The following DCAF5 variants were observed in gnomAD, a reference collection of about 807,000 sequenced individuals.
DCAF5 encodes the protein DDB1- and CUL4-associated factor 5.
Under a neutral mutation model 80.7 loss-of-function variants are expected in DCAF5, and 9 were observed. The ratio of observed to expected loss-of-function variants is 0.11; its 90% confidence interval spans 0.07 to 0.19. The LOEUF (loss-of-function observed/expected upper bound fraction) is 0.19. Among genes scored for constraint, DCAF5 ranks in the 10% least tolerant of loss-of-function variants. DCAF5 has a pLI of 1.00. For missense variants in DCAF5, 842 were observed against 1,205.7 expected, an observed-to-expected ratio of 0.70 and a Z score of 4.47; for synonymous variants, 433 against 461.9, an observed-to-expected ratio of 0.94 and a Z score of 0.80.
intron 7 of DCAF5, among the ~76,000 whole-genome samples, chr14:69,072,899 AAAG>A (rs1439126376): frequency 2.6e-5 from 4 of 152,228 alleles, no homozygotes; most frequent in Non-Finnish European, 4.4e-5. Context: ...CCTTGTGCAC[AAAG>A]AAGCCCAAGT....
chr14:69,138,547 T>A (rs906871886), intron 1 of DCAF5, among the ~76,000 whole-genome samples: 4 of 152,244 alleles, frequency 2.6e-5, no homozygotes, highest in African/African-American at 9.6e-5. Flanking sequence ...TTTAACACTT[T>A]ACTTGAGCAA....
At chr14:69,112,612 C>CACACACACAA in intron 5 of DCAF5, among the ~76,000 whole-genome samples, 1 of 151,936 alleles carries the variant, frequency 6.6e-6, no homozygotes, top group African/African-American at 2.4e-5. Flanking sequence ...CACACACACA[C>CACACACACAA]ACACACACAC....
chr14:69,113,256 ACAGCAGGCCC>A (rs2040432297), intron 5 of DCAF5, among the ~76,000 whole-genome samples: 2 of 152,254 alleles, frequency 1.3e-5, no homozygotes, highest in Non-Finnish European at 2.9e-5. Context: ...TGTTTCTAGG[ACAGCAGGCCC>A]TGAATTCACC....
chr14:69,104,671 C>A (rs1239041936), intron 5 of DCAF5, among the ~76,000 whole-genome samples: 1 of 152,036 alleles, frequency 6.6e-6, no homozygotes, highest in Non-Finnish European at 1.5e-5. Flanking sequence ...GCCTGGCCAA[C>A]ATGGTGAAAC....
intron 6 of DCAF5, among the ~76,000 whole-genome samples, chr14:69,078,982 C>A (rs772351621): frequency 3.3e-5 from 5 of 152,134 alleles, no homozygotes; most frequent in Non-Finnish European, 5.9e-5. Context: ...CATGCCTCAG[C>A]CTCCCCAGCA....
chr14:69,126,814 G>A (rs1011269070), intron 1 of DCAF5, among the ~76,000 whole-genome samples: 3 of 152,146 alleles, frequency 2.0e-5, no homozygotes, highest in South Asian at 4.2e-4. Context: ...AGCAAAAATG[G>A]TCTTTTCAAC....
Position 69,122,309 on chromosome 14 carries a change from G to C in DCAF5, c.266C>G (p.Ser89Cys), listed in dbSNP as rs1176377724. The C allele has an allele frequency of 6.2e-7, 1 of 1,613,930 alleles. No individual in the cohort carries two copies. Among genetic ancestry groups the C allele is most frequent in the East Asian group, 2.2e-5 (1 of 44,880 alleles). The change falls in exon 2 of 9, where the codon TCC becomes TGC. Residue 89 changes from serine (S) to cysteine (C), a missense_variant. Ser to Cys is a moderately radical substitution (Grantham distance 112). Coordinates refer to ENST00000341516, the MANE Select transcript of DCAF5 (RefSeq NM_003861.3). ...LLWHMEQAIH[S>C]RVKPIQLKGE... ...TTTCAGCTGTATGGGCTTGACCCTGGAGTGGATGGCTTGTTCCATGTGCCA... is the reference window on the plus strand; with the variant it reads ...TTTCAGCTGTATGGGCTTGACCCTGCAGTGGATGGCTTGTTCCATGTGCCA...
At chr14:69,116,599 C>T (rs1830920011) in intron 4 of DCAF5, 104 bp from the exon 5 acceptor site, 2 of 1,399,116 alleles carry the variant, frequency 1.4e-6, no homozygotes, top group African/African-American at 1.4e-5. Flanking sequence ...CTTTAATAAC[C>T]ACTCCAACGG....
intron 7 of DCAF5, among the ~76,000 whole-genome samples, chr14:69,069,276 C>T (rs1476304488): frequency 6.6e-6 from 1 of 152,154 alleles, no homozygotes; most frequent in Non-Finnish European, 1.5e-5. Flanking sequence ...AGTAAAAATA[C>T]ATGTTTTTCC....
chr14:69,055,960 A>C lies in DCAF5; in HGVS notation c.1075-349T>G, dbSNP rs560683407. On this transcript the variant is annotated intron_variant, in intron 8 of 8. Transcript: ENST00000341516. This position sits in a 1 kb window ranked among gnomAD's most constrained non-coding sequence, Gnocchi z 5.6. ...TTTCATCTATTAGTAGTTGGACATT[A>C]TAATAATAATCCTGGAGAATAGAGG... 6.6e-6 allele frequency among the ~76,000 whole-genome samples: 1 copy of C among 152,170 alleles called. No homozygotes were observed. Among genetic ancestry groups the C allele is most frequent in the Admixed American group, 6.5e-5 (1 of 15,272 alleles).
rs369732275 is a variant in DCAF5, at chr14:69,143,610, C to T, written c.214+9155G>A. ...AGCAATGTCTCAGCTGAACATTGGG[C>T]GAGGCATTCCTTAATTTGGTAGGCG... On this transcript the variant is annotated intron_variant, in intron 1 of 8. Coordinates refer to ENST00000341516, the MANE Select transcript of DCAF5 (RefSeq NM_003861.3). Among the ~76,000 whole-genome samples, 32 of 122,118 alleles carry T rather than the reference C, an allele frequency of 2.6e-4. 1 individual carries two copies. Among genetic ancestry groups the T allele is most frequent in the East Asian group, 1.1e-3 (4 of 3,756 alleles). 80.1% of individuals were successfully genotyped at this position (122,118 alleles called of 152,430 possible).
intron 1 of DCAF5, among the ~76,000 whole-genome samples, chr14:69,145,570 A>G (rs1331557303): frequency 1.3e-5 from 2 of 152,150 alleles, no homozygotes; most frequent in Non-Finnish European, 2.9e-5. Flanking sequence ...CAAAAAATTT[A>G]AAGGACAGGG....
intron 6 of DCAF5, among the ~76,000 whole-genome samples, chr14:69,079,745 T>A (rs1313933674): frequency 6.6e-6 from 1 of 152,180 alleles, no homozygotes; most frequent in African/African-American, 2.4e-5. Context: ...ACCCTGTTCC[T>A]GTCCCATGAA....
intron 1 of DCAF5, among the ~76,000 whole-genome samples, chr14:69,146,349 C>T (rs941828695): frequency 3.3e-5 from 5 of 152,186 alleles, no homozygotes; most frequent in African/African-American, 1.2e-4. Context: ...AGGCATAAAT[C>T]TAAATTTGCC....
At chr14:69,063,141 G>A (rs2038291823) in intron 7 of DCAF5, among the ~76,000 whole-genome samples, 1 of 152,180 alleles carries the variant, frequency 6.6e-6, no homozygotes, top group Non-Finnish European at 1.5e-5. Context: ...TCCAAGTATT[G>A]AAAATCAGAA....
At chr14:69,102,795 A>AGCAG (rs1454265503) in intron 5 of DCAF5, among the ~76,000 whole-genome samples, 1 of 152,124 alleles carries the variant, frequency 6.6e-6, no homozygotes, top group African/African-American at 2.4e-5. Flanking sequence ...TTTACAGTAA[A>AGCAG]CTTTTTTTAA....
chr14:69,075,397 G>A lies in DCAF5; in HGVS notation c.894C>T (p.Gly298=). 1 of 1,600,678 alleles carries A rather than the reference G, an allele frequency of 6.2e-7. No individual in the cohort carries two copies. Among genetic ancestry groups the A allele is most frequent in the Non-Finnish European group, 8.5e-7 (1 of 1,171,074 alleles). ...ACATGTACAGGTTGAAGTCATCAGA[G>A]CCCGAAAGGATATACTGTTGGAACA... The part of the protein sequence containing the change: ...AGDRDQYILS[G]SDDFNLYMWR... Residue 298 remains glycine (G), a synonymous_variant, in exon 7 of 9, where the codon GGC becomes GGT. Coordinates refer to ENST00000341516, the MANE Select transcript of DCAF5 (RefSeq NM_003861.3).
chr14:69,069,169 C>T (rs2038584940), intron 7 of DCAF5, among the ~76,000 whole-genome samples: 1 of 152,182 alleles, frequency 6.6e-6, no homozygotes, highest in Admixed American at 6.5e-5. Context: ...GAAGACAGAG[C>T]ACACAAACAT....
intron 1 of DCAF5, among the ~76,000 whole-genome samples, chr14:69,137,087 T>C (rs916315964): frequency 2.0e-5 from 3 of 152,198 alleles, no homozygotes; most frequent in African/African-American, 7.2e-5. Flanking sequence ...TAATACATAA[T>C]AGTTGTTTAA....
Sources: allele counts gnomAD v4.1 joint callset (sites outside exome capture counted in the v4.1 genomes callset), GRCh38; gene constraint gnomAD v4.1.1; non-coding constraint Gnocchi (gnomAD v3.1); transcripts MANE v1.5; gene names NCBI Gene and HGNC (gene_info 2026-07-23, HGNC 2026-07-21).